Variants in ZCCHC4 observed in about 807,000 individuals in gnomAD.
ZCCHC4 encodes rRNA N(6)-adenosine-methyltransferase ZCCHC4.
ZCCHC4 carries 54 observed loss-of-function variants against 67.7 expected under a neutral mutation model. The observed-to-expected ratio is 0.80, with a 90% CI of 0.64 to 1.00. ZCCHC4 has a LOEUF of 1.00. Among genes scored for constraint, ZCCHC4 ranks in the 50% least tolerant of loss-of-function variants. The probability of loss-of-function intolerance (pLI) is 0.00; values close to 1 mark genes in which losing one functional copy is unlikely to be tolerated. For missense variants in ZCCHC4, 609 were observed against 617.0 expected, an observed-to-expected ratio of 0.99 and a Z score of 0.14; for synonymous variants, 198 against 213.5, an observed-to-expected ratio of 0.93 and a Z score of 0.63.
At chr4:25,366,514 C>T (rs1313628752) in intron 12 of ZCCHC4, among the ~76,000 whole-genome samples, 10 of 151,916 alleles carry the variant, frequency 6.6e-5, no homozygotes, top group Admixed American at 1.3e-4. Context: ...GACGGGGTTT[C>T]GCCGTGTTAG....
intron 5 of ZCCHC4, among the ~76,000 whole-genome samples, chr4:25,334,655 C>T (rs1719362299): frequency 6.6e-6 from 1 of 152,156 alleles, no homozygotes. Context: ...TCCACTGTGT[C>T]TATAATTCTG....
intron 3 of ZCCHC4, among the ~76,000 whole-genome samples, chr4:25,317,447 C>G (rs959019798): frequency 6.6e-6 from 1 of 152,058 alleles, no homozygotes; most frequent in Non-Finnish European, 1.5e-5. Context: ...CATGGTGGCT[C>G]ATACCTGTAA....
chr4:25,339,775 A>G (rs1448363720), intron 5 of ZCCHC4, among the ~76,000 whole-genome samples: 1 of 152,098 alleles, frequency 6.6e-6, no homozygotes, highest in Admixed American at 6.5e-5. Flanking sequence ...GTCATATCTA[A>G]GAAAGTCTTG....
At chr4:25,333,013 C>T (rs1187590930) in intron 3 of ZCCHC4, among the ~76,000 whole-genome samples, 170 bp from the exon 4 acceptor site, 1 of 152,166 alleles carries the variant, frequency 6.6e-6, no homozygotes, top group Non-Finnish European at 1.5e-5. Flanking sequence ...AGGTATGCAG[C>T]CAGACATAAA....
chr4:25,368,579 G>A (rs913197077), intron 12 of ZCCHC4, among the ~76,000 whole-genome samples: 1 of 152,102 alleles, frequency 6.6e-6, no homozygotes, highest in Non-Finnish European at 1.5e-5. Context: ...CCCTTTCAAG[G>A]CTTCTCGGTT....
intron 5 of ZCCHC4, among the ~76,000 whole-genome samples, chr4:25,336,204 T>C (rs1432376064): frequency 6.6e-6 from 1 of 152,222 alleles, no homozygotes; most frequent in Non-Finnish European, 1.5e-5. Context: ...GAGTTGCCTG[T>C]TCTGCACATT....
chr4:25,330,090 A>G (rs1719102112), intron 3 of ZCCHC4, among the ~76,000 whole-genome samples: 1 of 152,080 alleles, frequency 6.6e-6, no homozygotes, highest in Non-Finnish European at 1.5e-5. Flanking sequence ...CCCTGTGTTC[A>G]AGTGATTCTC....
Position 25,333,196 on chromosome 4 carries a change from A to G in ZCCHC4, c.343A>G (p.Ile115Val), listed in dbSNP as rs1157539185. The change falls in exon 4 of 13, where the codon ATT (isoleucine) becomes GTT (valine). Residue 115 changes from isoleucine to valine, a missense_variant. By Grantham distance (29) the Ile-to-Val change is conservative (BLOSUM62 3). Coordinates refer to ENST00000302874, the MANE Select transcript of ZCCHC4 (RefSeq NM_024936.3). ...TTTGTCTTGAAGGTACTTGAAGTTT[A>G]TTGAGTTGCCCTTGACTCAGAGAAA... is the stretch of plus-strand genomic sequence containing the variant. ...TQCVERYLKF[I>V]ELPLTQRKFC... 6.2e-7 allele frequency: 1 copy of G among 1,612,612 alleles called. No homozygotes were observed. Among genetic ancestry groups the G allele is most frequent in the Admixed American group, 1.7e-5 (1 of 59,858 alleles).
chr4:25,353,332 A>G (rs1720388170), intron 8 of ZCCHC4, among the ~76,000 whole-genome samples: 1 of 152,220 alleles, frequency 6.6e-6, no homozygotes, highest in South Asian at 2.1e-4. Context: ...GTTTTGTTCT[A>G]AAAGTGTGTA....
chr4:25,358,599 T>G (rs1256989978), intron 8 of ZCCHC4, among the ~76,000 whole-genome samples: 1 of 152,240 alleles, frequency 6.6e-6, no homozygotes, highest in Non-Finnish European at 1.5e-5. Flanking sequence ...AGTAAACTCT[T>G]GCTCTTAAGA....
chr4:25,315,400 G>A lies in ZCCHC4; in HGVS notation c.329G>A (p.Arg110Lys). Reference sequence around the variant, plus strand: ...CTGTCCCGAACGCAGTGTGTGGAAAGGTACTGATGCAGTGTCATTTTTCTT... The same window carrying A: ...CTGTCCCGAACGCAGTGTGTGGAAAAGTACTGATGCAGTGTCATTTTTCTT... ...PPLSRTQCVERYLKFIELPLT... is the reference protein window; with the variant it reads ...PPLSRTQCVEKYLKFIELPLT... Residue 110 changes from arginine to lysine, a missense_variant and splice_region_variant, in exon 3 of 13, where the codon AGG becomes AAG. Coordinates refer to ENST00000302874, the MANE Select transcript of ZCCHC4 (RefSeq NM_024936.3). The A allele has an allele frequency of 6.2e-7, 1 of 1,600,296 alleles. No homozygotes were observed. Among genetic ancestry groups the A allele is most frequent in the Non-Finnish European group, 8.5e-7 (1 of 1,173,906 alleles).
At chr4:25,330,839 T>TTC (rs1719144228) in intron 3 of ZCCHC4, among the ~76,000 whole-genome samples, 1 of 152,210 alleles carries the variant, frequency 6.6e-6, no homozygotes, top group Admixed American at 6.5e-5. Context: ...TTCCACCTGC[T>TTC]TCTGGCCAGT....
intron 8 of ZCCHC4, among the ~76,000 whole-genome samples, chr4:25,354,370 G>T (rs1720430818): frequency 6.6e-6 from 1 of 152,178 alleles, no homozygotes; most frequent in African/African-American, 2.4e-5. Flanking sequence ...ATATGTGTCT[G>T]ACAGGCTAAA....
intron 5 of ZCCHC4, 45 bp from the exon 6 acceptor site, chr4:25,345,498 GTCTAC>G (rs749117482): frequency 1.0e-6 from 1 of 984,876 alleles, no homozygotes; most frequent in South Asian, 1.5e-5. Flanking sequence ...GTTTATATTT[GTCTAC>G]TCTATAGCTG....
chr4:25,327,462 G>A (rs1471904124), intron 3 of ZCCHC4, among the ~76,000 whole-genome samples: 2 of 126,914 alleles, frequency 1.6e-5, no homozygotes, highest in East Asian at 2.4e-4. Flanking sequence ...TACTTGCTTC[G>A]TCCCCCACCA....
chr4:25,344,455 A>C (rs575036129), intron 5 of ZCCHC4, among the ~76,000 whole-genome samples: 104 of 112,870 alleles, frequency 9.2e-4, no homozygotes, highest in African/African-American at 3.2e-3. Context: ...CACTCTGGGG[A>C]CTGTTGTGGG....
At chr4:25,344,376 A>G (rs1719896265) in intron 5 of ZCCHC4, among the ~76,000 whole-genome samples, 1 of 147,324 alleles carries the variant, frequency 6.8e-6, no homozygotes, top group African/African-American at 2.5e-5. Context: ...AAAACCAAAC[A>G]CCGCATGTTC....
At chr4:25,333,542 G>T (rs528437852) in intron 4 of ZCCHC4, 84 bp downstream of exon 4, 6 of 1,413,982 alleles carry the variant, frequency 4.2e-6, no homozygotes, top group African/African-American at 2.8e-5. Context: ...TACTTACTCT[G>T]TGCAAGGTAT....
At chr4:25,350,567 TA>T (rs1720256877) in intron 7 of ZCCHC4, among the ~76,000 whole-genome samples, 1 of 152,144 alleles carries the variant, frequency 6.6e-6, no homozygotes, top group Non-Finnish European at 1.5e-5. Flanking sequence ...GACTTCAAAG[TA>T]TTTTATATAA....
Sources: allele counts gnomAD v4.1 joint callset (sites outside exome capture counted in the v4.1 genomes callset), GRCh38; gene constraint gnomAD v4.1.1; transcripts MANE v1.5; gene names NCBI Gene and HGNC (gene_info 2026-07-23, HGNC 2026-07-21).